The following OR6N1 variants were observed in gnomAD, a reference collection of about 807,000 sequenced individuals.
OR6N1 encodes olfactory receptor family 6 subfamily N member 1.
For missense variants in OR6N1, 394 were observed against 371.7 expected (o/e 1.06, Z -0.49); for synonymous variants, 170 against 150.7 (o/e 1.13, Z -0.94).
chr1:158,791,549 A>G, the OR6N1 span, among the ~76,000 whole-genome samples: 13 of 150,082 alleles, frequency 8.7e-5, no homozygotes, highest in African/African-American at 2.9e-4. Context: ...AGCTCACTGC[A>G]AGCTCCGAGT....
the OR6N1 span, among the ~76,000 whole-genome samples, chr1:158,801,164 GGTGTGT>G: frequency 1.7e-3 from 250 of 148,710 alleles, no homozygotes; most frequent in South Asian, 5.4e-3. Context: ...TGCACATACT[GGTGTGT>G]GTGTGTGTGT....
the OR6N1 span, among the ~76,000 whole-genome samples, chr1:158,780,971 T>C: frequency 6.6e-5 from 10 of 152,240 alleles, no homozygotes; most frequent in Admixed American, 6.5e-4. Context: ...GTGGACAAGA[T>C]GACCTTTAAA....
chr1:158,766,615 A>T lies in OR6N1; in HGVS notation c.68T>A (p.Val23Asp), dbSNP rs1657279900. 1 of 1,613,962 alleles carries T rather than the reference A, an allele frequency of 6.2e-7. No homozygotes were observed. Among genetic ancestry groups the T allele is most frequent in the East Asian group, 2.2e-5 (1 of 44,874 alleles). The stretch of plus-strand genomic sequence containing the variant: ...CAACAAGAGGAAGAGATAAATCTGG[A>T]CACCCTGGAGATGGGGGAAGCCCAA... ...IILGFPHLQG[V>D]QIYLFLLLLL... Residue 23 changes from valine to aspartate, a missense_variant, in exon 2 of 2, where the codon GTC becomes GAC. Transcript: ENST00000641846.
At chr1:158,820,256 G>C in the OR6N1 span, among the ~76,000 whole-genome samples, 2 of 152,304 alleles carry the variant, frequency 1.3e-5, no homozygotes, top group South Asian at 4.1e-4. Context: ...CAGCGTGGGC[G>C]TCAAGGCCAT....
chr1:158,836,908 T>C, the OR6N1 span, among the ~76,000 whole-genome samples: 2 of 151,876 alleles, frequency 1.3e-5, no homozygotes, highest in African/African-American at 4.8e-5. Flanking sequence ...ATGTTGTGTT[T>C]CTATATAATT....
chr1:158,778,917 G>A, the OR6N1 span, among the ~76,000 whole-genome samples: 1 of 150,616 alleles, frequency 6.6e-6, no homozygotes, highest in African/African-American at 2.4e-5. Flanking sequence ...TACTCCGGAG[G>A]CTGAGGCAGG....
chr1:158,787,574 T>C, the OR6N1 span, among the ~76,000 whole-genome samples: 1 of 151,422 alleles, frequency 6.6e-6, no homozygotes, highest in Non-Finnish European at 1.5e-5. Flanking sequence ...AGCAAACCAT[T>C]ACATGTATAT....
chr1:158,775,533 G>GT (rs1657570639), upstream of OR6N1: 1 of 152,140 alleles, frequency 6.6e-6, no homozygotes, highest in Non-Finnish European at 1.5e-5. Context: ...AATTTCTCAT[G>GT]TTTTTATAAA....
At chr1:158,787,620 ATC>A in the OR6N1 span, among the ~76,000 whole-genome samples, 66 of 122,630 alleles carry the variant, frequency 5.4e-4, 1 homozygote, top group Admixed American at 2.7e-3. Flanking sequence ...CTATCTCTCT[ATC>A]TCTCTCTCTC....
chr1:158,790,680 A>T, the OR6N1 span, among the ~76,000 whole-genome samples: 1 of 152,336 alleles, frequency 6.6e-6, no homozygotes, highest in South Asian at 2.1e-4. Flanking sequence ...CTGGGATTAC[A>T]GGCGTGAGCC....
the OR6N1 span, among the ~76,000 whole-genome samples, chr1:158,839,248 T>C: frequency 6.6e-6 from 1 of 152,162 alleles, no homozygotes; most frequent in Non-Finnish European, 1.5e-5. Flanking sequence ...CAGCTAAGTA[T>C]GAAATATAAA....
At position 158,765,377 on chromosome 1, in the gene OR6N1, G is replaced by C. The variant is rs533663481; in HGVS notation, c.*367C>G. On this transcript the variant is annotated 3_prime_UTR_variant, in exon 2 of 2. Coordinates refer to ENST00000641846, the MANE Select transcript of OR6N1 (RefSeq NM_001005185.2). The stretch of plus-strand genomic sequence containing the variant: ...AACATCATGAATCACATTTTGTTTA[G>C]GACATGCCTGACTATATTTATATTA... 5.9e-6 allele frequency: 1 copy of C among 170,504 alleles called. No homozygotes were observed. The highest frequency in any genetic ancestry group is 2.4e-5 in the African/African-American group (1 of 41,932). The allele number at this position is 170,504 out of a possible 1,614,324, so 10.6% of individuals were successfully genotyped here. A position where few individuals can be genotyped will look rare whatever the true frequency, so the allele number is the denominator to read the frequency against.
chr1:158,766,274 T>C lies in OR6N1; in HGVS notation c.409A>G (p.Thr137Ala), dbSNP rs201157423. Residue 137 changes from threonine to alanine, a missense_variant, in exon 2 of 2, where the codon ACC becomes GCC. Thr to Ala is a moderately conservative substitution (Grantham distance 58, BLOSUM62 0). Transcript: ENST00000641846. ...CRPLHYPTLM[T>A]PTLCAEIAIG... is the part of the protein sequence containing the mutation. The stretch of plus-strand genomic sequence containing the variant: ...GCAATCTCTGCACAAAGTGTTGGGG[T>C]CATGAGGGTTGGGTAGTGGAGGGGC... 255 of 1,613,534 alleles carry C rather than the reference T, an allele frequency of 1.6e-4. No individual in the cohort carries two copies. The highest frequency in any genetic ancestry group is 2.1e-4 in the Non-Finnish European group (247 of 1,179,938).
At chr1:158,782,810 A>AT in the OR6N1 span, among the ~76,000 whole-genome samples, 48,453 of 151,774 alleles carry the variant, frequency 0.32, 7,943 homozygotes, top group South Asian at 0.6. Flanking sequence ...ATTAAGTGGT[A>AT]TTTTTTTTCC....
At chr1:158,797,878 G>A in the OR6N1 span, among the ~76,000 whole-genome samples, 1 of 152,052 alleles carries the variant, frequency 6.6e-6, no homozygotes, top group Non-Finnish European at 1.5e-5. Context: ...GTCAATATTA[G>A]ATAGAACTCA....
At chr1:158,838,575 T>G in the OR6N1 span, among the ~76,000 whole-genome samples, 1 of 152,216 alleles carries the variant, frequency 6.6e-6, no homozygotes, top group African/African-American at 2.4e-5. Context: ...TTTCTTTGAG[T>G]TTATCATAGT....
chr1:158,823,814 C>G, the OR6N1 span, among the ~76,000 whole-genome samples: 1 of 151,898 alleles, frequency 6.6e-6, no homozygotes, highest in Non-Finnish European at 1.5e-5. Flanking sequence ...AGTTGTTATT[C>G]TGAGATGTTT....
the OR6N1 span, among the ~76,000 whole-genome samples, chr1:158,786,764 T>G: frequency 6.6e-6 from 1 of 152,176 alleles, no homozygotes. Context: ...ATATCATATG[T>G]TCTCACTTGT....
At chr1:158,824,403 T>G in the OR6N1 span, among the ~76,000 whole-genome samples, 1 of 152,194 alleles carries the variant, frequency 6.6e-6, no homozygotes, top group Non-Finnish European at 1.5e-5. Context: ...CTTGGGTATG[T>G]CTTTATTAGC....
Sources: allele counts gnomAD v4.1 joint callset (sites outside exome capture counted in the v4.1 genomes callset), GRCh38; gene constraint gnomAD v4.1.1; transcripts MANE v1.5; gene names NCBI Gene and HGNC (gene_info 2026-07-23, HGNC 2026-07-21).